The following CEP63 variants were observed in gnomAD, a reference collection of about 807,000 sequenced individuals.
CEP63 encodes centrosomal protein of 63 kDa.
Under a neutral mutation model 89.1 loss-of-function variants are expected in CEP63, and 84 were observed. That is an observed-to-expected ratio of 0.94 (90% CI 0.79 to 1.13). CEP63 has a LOEUF of 1.13. Among genes scored for constraint, CEP63 ranks in the 50% most tolerant of loss-of-function variants. The pLI, the probability that CEP63 is intolerant of heterozygous loss-of-function variation, is 0.00. For missense variants in CEP63, 838 were observed against 813.3 expected (o/e 1.03, Z -0.37); for synonymous variants, 267 against 272.5 (o/e 0.98, Z 0.20).
the CEP63 span, among the ~76,000 whole-genome samples, chr3:134,653,557 TG>T: frequency 1.3e-5 from 2 of 152,188 alleles, no homozygotes; most frequent in Non-Finnish European, 2.9e-5. Context: ...TGGCCTGGGT[TG>T]ACTTAGCTGC....
At chr3:134,765,941 C>T in the CEP63 span, among the ~76,000 whole-genome samples, 1 of 152,222 alleles carries the variant, frequency 6.6e-6, no homozygotes, top group African/African-American at 2.4e-5. Context: ...AATCAGTTTC[C>T]AGTAAACACA....
intron 12 of CEP63, among the ~76,000 whole-genome samples, chr3:134,556,498 C>G (rs1956214218): frequency 6.6e-6 from 1 of 151,962 alleles, no homozygotes; most frequent in South Asian, 2.1e-4. Context: ...ACTTGATATC[C>G]CCTAATAAAG....
chr3:134,749,219 C>T, the CEP63 span, among the ~76,000 whole-genome samples: 1 of 152,186 alleles, frequency 6.6e-6, no homozygotes, highest in African/African-American at 2.4e-5. Context: ...GTTGGGCCTT[C>T]CCCAAAGTTC....
chr3:134,651,280 T>C, the CEP63 span: 195 of 1,189,798 alleles, frequency 1.6e-4, no homozygotes, highest in Non-Finnish European at 1.9e-4. Flanking sequence ...CCTGCGCCCC[T>C]GCCTCCCGCC....
In CEP63 at chr3:134,486,141, C is replaced by G; in HGVS notation, c.-87C>G. On this transcript the variant is annotated 5_prime_UTR_variant, in exon 1 of 15. Coordinates refer to ENST00000675561, the MANE Select transcript of CEP63 (RefSeq NM_001353108.3). ...GTGGGGGCAGTGGGCGGAACAAACG[C>G]GCCGACTACAGAGGCTGGACGTAAG... is the stretch of plus-strand genomic sequence containing the variant. 1 of 985,640 alleles carries G rather than the reference C, an allele frequency of 1.0e-6. No homozygotes were observed. The highest frequency in any genetic ancestry group is 1.2e-6 in the Non-Finnish European group (1 of 830,070). The allele number at this position is 985,640 out of a possible 1,614,324, so 61.1% of individuals were successfully genotyped here.
Position 134,525,619 on chromosome 3 carries a change from A to G in CEP63, c.223-6226A>G, listed in dbSNP as rs115926871. 2.4e-3 allele frequency among the ~76,000 whole-genome samples: 359 copies of G among 152,280 alleles called. 2 individuals carry two copies. The highest frequency in any genetic ancestry group is 0.01 in the Middle Eastern group (3 of 294). ...TTTTGTGTGGTTGCTTTATAGTATCACTGGTCTGTGTACTTTAGTCTGTTT... is the reference window on the plus strand; with the variant it reads ...TTTTGTGTGGTTGCTTTATAGTATCGCTGGTCTGTGTACTTTAGTCTGTTT... On this transcript the variant is annotated intron_variant, in intron 3 of 14. Transcript: ENST00000675561.
chr3:134,755,575 C>A, the CEP63 span: 1 of 152,236 alleles, frequency 6.6e-6, no homozygotes, highest in African/African-American at 2.4e-5. Flanking sequence ...CATCTCCACA[C>A]CAGAGGGCTT....
chr3:134,578,142 G>A (rs1958256069), downstream of CEP63, among the ~76,000 whole-genome samples: 1 of 152,078 alleles, frequency 6.6e-6, no homozygotes, highest in Admixed American at 6.6e-5. Context: ...ACCTAGTAAT[G>A]GGATTGCTAG....
chr3:134,637,926 GC>G, the CEP63 span, among the ~76,000 whole-genome samples: 2 of 152,216 alleles, frequency 1.3e-5, no homozygotes, highest in African/African-American at 2.4e-5. Context: ...AGATGCTCCA[GC>G]CATCACTATT....
chr3:134,693,515 A>G, the CEP63 span, among the ~76,000 whole-genome samples: 1 of 152,250 alleles, frequency 6.6e-6, no homozygotes, highest in African/African-American at 2.4e-5. Context: ...GCCAAACACA[A>G]TTCGTAATCA....
At chr3:134,720,734 T>A in the CEP63 span, among the ~76,000 whole-genome samples, 18 of 152,136 alleles carry the variant, frequency 1.2e-4, no homozygotes, top group African/African-American at 3.9e-4. Context: ...TAAAAGAGGT[T>A]ATTCTTTCCC....
chr3:134,649,074 G>A, the CEP63 span, among the ~76,000 whole-genome samples: 2 of 152,168 alleles, frequency 1.3e-5, no homozygotes, highest in African/African-American at 4.8e-5. Flanking sequence ...TGCCCACCAG[G>A]CATCAAAAGC....
intron 10 of CEP63, among the ~76,000 whole-genome samples, chr3:134,584,136 A>C (rs1958427937): frequency 6.6e-6 from 1 of 152,124 alleles, no homozygotes. Flanking sequence ...GGACAATTTG[A>C]CTTCCTCTTT....
chr3:134,729,022 T>C, the CEP63 span, among the ~76,000 whole-genome samples: 1 of 152,114 alleles, frequency 6.6e-6, no homozygotes, highest in East Asian at 1.9e-4. Context: ...CATGCACACA[T>C]ATAATAAAAA....
At chr3:134,495,156 A>G in intron 1 of CEP63, 140 bp from the exon 2 acceptor site, 2 of 671,514 alleles carry the variant, frequency 3.0e-6, no homozygotes, top group South Asian at 3.4e-5. Context: ...ATGTTCTTTG[A>G]CTGCTTCTAC....
At chr3:134,485,958 C>A, upstream of CEP63, 1 of 981,910 alleles carries the variant, frequency 1.0e-6, no homozygotes, top group Non-Finnish European at 1.2e-6. Flanking sequence ...TTACCGGCAC[C>A]CGGCCACCGC....
chr3:134,580,009 A>G (rs1170314147), downstream of CEP63, among the ~76,000 whole-genome samples: 4 of 152,162 alleles, frequency 2.6e-5, no homozygotes, highest in Admixed American at 2.0e-4. Context: ...TAGCCTGGTT[A>G]ACATGGTGAA....
the CEP63 span, among the ~76,000 whole-genome samples, chr3:134,653,277 T>C: frequency 6.6e-6 from 1 of 152,326 alleles, no homozygotes; most frequent in South Asian, 2.1e-4. Flanking sequence ...CACTTCCCTA[T>C]TGTGAGAACT....
the CEP63 span, among the ~76,000 whole-genome samples, chr3:134,655,869 C>T: frequency 1.3e-5 from 2 of 152,182 alleles, no homozygotes; most frequent in Non-Finnish European, 2.9e-5. Flanking sequence ...GGCTCTGTGG[C>T]ATCAGTTGTT....
Sources: allele counts gnomAD v4.1 joint callset (sites outside exome capture counted in the v4.1 genomes callset), GRCh38; gene constraint gnomAD v4.1.1; transcripts MANE v1.5; gene names NCBI Gene and HGNC (gene_info 2026-07-23, HGNC 2026-07-21).